PCDH15: variants seen among roughly 807,000 people sequenced by gnomAD.
The protein encoded by PCDH15 is protocadherin-15.
A neutral mutation model predicts 178.5 loss-of-function variants in PCDH15; 129 were observed. The ratio of observed to expected loss-of-function variants is 0.72; its 90% CI spans 0.63 to 0.84. PCDH15 has a LOEUF of 0.84. PCDH15 is among the 40% of genes least tolerant of loss of function. The pLI, the probability that PCDH15 is intolerant of heterozygous loss-of-function variation, is 0.00. For missense variants in PCDH15, 2,230 were observed against 2,099.9 expected, an observed-to-expected ratio of 1.06 and a Z score of -1.21; for synonymous variants, 800 against 732.0, an observed-to-expected ratio of 1.09 and a Z score of -1.50.
intron 3 of PCDH15, among the ~76,000 whole-genome samples, chr10:54,388,728 G>C (rs1041391454): frequency 8.5e-5 from 13 of 152,252 alleles, no homozygotes; most frequent in Admixed American, 8.5e-4. Flanking sequence ...TTGGAAATGA[G>C]GTTGTATGTC....
At chr10:54,444,392 C>T (rs748153563) in intron 3 of PCDH15, among the ~76,000 whole-genome samples, 12 of 151,822 alleles carry the variant, frequency 7.9e-5, no homozygotes, top group African/African-American at 1.2e-4. Context: ...GACACACTCA[C>T]GGATGATTCA....
Position 54,023,107 on chromosome 10 carries a change from T to C in PCDH15, c.2311A>G (p.Ile771Val). The change falls in exon 19 of 38, where the codon ATT becomes GTT. Residue 771 changes from isoleucine to valine, a missense_variant. Coordinates refer to ENST00000644397, the MANE Select transcript of PCDH15 (RefSeq NM_001384140.1). ...NLFRITSNGS[I>V]YTAVKLNREV... ...CTGTTAAGCTTCACTGCTGTGTAAA[T>C]GCTCCCATTGGATGTGATACGAAAA... 1 of 1,613,980 alleles carries C rather than the reference T, an allele frequency of 6.2e-7. No individual in the cohort carries two copies. Among genetic ancestry groups the C allele is most frequent in the African/African-American group, 1.3e-5 (1 of 75,036 alleles).
chr10:54,700,913 A>G (rs1315183489), intron 1 of PCDH15, among the ~76,000 whole-genome samples: 2 of 152,074 alleles, frequency 1.3e-5, no homozygotes, highest in African/African-American at 2.4e-5. Flanking sequence ...TGTAGCCGGA[A>G]GATTCTCCTA....
At position 55,463,897 on chromosome 10, in the gene PCDH15, GAGAGAAAGAAAGAAAGAAAGAA is replaced by G. The variant is rs1839737636; in HGVS notation, c.-156+163706_-156+163727del. On this transcript the variant is annotated intron_variant, in intron 2 of 5. Transcript: ENST00000613346. The stretch of plus-strand genomic sequence containing the variant: ...AGAGAGAGAGAAAGAGAGGGAGAGA[GAGAGAAAGAAAGAAAGAAAGAA>G]AGAAAGAAAGAAAGAAAGAAAGAAA... Among the ~76,000 whole-genome samples, 8 of 123,660 alleles carry G rather than the reference GAGAGAAAGAAAGAAAGAAAGAA, an allele frequency of 6.5e-5. 1 individual carries two copies. Among genetic ancestry groups the G allele is most frequent in the African/African-American group, 1.7e-4 (5 of 29,944 alleles). The allele number at this position is 123,660 out of a possible 152,430, so 81.1% of individuals were successfully genotyped here.
intron 2 of PCDH15, among the ~76,000 whole-genome samples, chr10:54,985,004 G>A (rs1839328546): frequency 6.6e-6 from 1 of 152,074 alleles, no homozygotes; most frequent in South Asian, 2.1e-4. Flanking sequence ...TGACCCTTAT[G>A]ATGGGTAAGT....
intron 28 of PCDH15, among the ~76,000 whole-genome samples, chr10:53,848,248 TA>T (rs991170164): frequency 1.1e-3 from 156 of 139,556 alleles, no homozygotes; most frequent in Middle Eastern, 3.9e-3. Flanking sequence ...TTCTAGGTTA[TA>T]AAAAAAAAAA....
At chr10:54,628,709 T>C (rs1249115756) in intron 2 of PCDH15, among the ~76,000 whole-genome samples, 1 of 152,138 alleles carries the variant, frequency 6.6e-6, no homozygotes, top group Non-Finnish European at 1.5e-5. Context: ...TTGTTTTGGG[T>C]GCAAAGGATA....
intron 2 of PCDH15, among the ~76,000 whole-genome samples, chr10:55,549,826 G>A (rs1266955426): frequency 1.3e-5 from 2 of 152,092 alleles, no homozygotes; most frequent in Non-Finnish European, 2.9e-5. Flanking sequence ...CAACTGTTGT[G>A]TTCTCTATCA....
At chr10:55,489,690 A>T (rs528835699) in intron 2 of PCDH15, among the ~76,000 whole-genome samples, 132 of 151,832 alleles carry the variant, frequency 8.7e-4, no homozygotes, top group African/African-American at 3.1e-3. Flanking sequence ...GACAGCAAAC[A>T]CATGGTCTTC....
rs116871711 is a variant in PCDH15, at chr10:55,503,784, A to T, written c.-156+123841T>A. On this transcript the variant is annotated intron_variant, in intron 2 of 5. Coordinates refer to the PCDH15 transcript ENST00000613346. ...ACACTGAAAACACCAAATCTTGTCA[A>T]GGAGTAAAAGGAATTATCATTCATA... Among the ~76,000 whole-genome samples, 737 of 151,610 alleles carry T rather than the reference A, an allele frequency of 4.9e-3. 3 individuals are homozygous for T. Among genetic ancestry groups the T allele is most frequent in the Non-Finnish European group, 7.6e-3 (514 of 67,652 alleles).
At chr10:55,091,094 A>G (rs1842307181) in intron 2 of PCDH15, among the ~76,000 whole-genome samples, 2 of 152,002 alleles carry the variant, frequency 1.3e-5, no homozygotes, top group African/African-American at 4.8e-5. Flanking sequence ...ATAAAATACT[A>G]CAATATTTCT....
chr10:54,328,157 A>G (rs973805959), intron 7 of PCDH15, among the ~76,000 whole-genome samples: 1 of 151,638 alleles, frequency 6.6e-6, no homozygotes, highest in African/African-American at 2.4e-5. Context: ...CTTTACCACC[A>G]TATCCCTGAC....
intron 1 of PCDH15, among the ~76,000 whole-genome samples, chr10:55,302,211 T>C (rs1843304359): frequency 6.9e-6 from 1 of 144,324 alleles, no homozygotes; most frequent in Non-Finnish European, 1.5e-5. Flanking sequence ...TGCTGAATAT[T>C]CCACTCTATG....
chr10:55,206,571 T>C (rs1840409060), intron 1 of PCDH15, among the ~76,000 whole-genome samples: 3 of 152,126 alleles, frequency 2.0e-5, no homozygotes, highest in Admixed American at 6.5e-5. Context: ...GGTCAGACTA[T>C]GTGAACTATT....
intron 2 of PCDH15, among the ~76,000 whole-genome samples, chr10:54,623,624 T>C (rs1395116790): frequency 6.6e-6 from 1 of 152,108 alleles, no homozygotes; most frequent in Non-Finnish European, 1.5e-5. Context: ...ATGCCATATT[T>C]TGGGCTCTTC....
chr10:55,278,461 G>A (rs1254370858), intron 1 of PCDH15, among the ~76,000 whole-genome samples: 1 of 152,038 alleles, frequency 6.6e-6, no homozygotes, highest in African/African-American at 2.4e-5. Flanking sequence ...CTGGCCTCAA[G>A]TGATCCTCCC....
intron 2 of PCDH15, among the ~76,000 whole-genome samples, chr10:55,134,747 T>A (rs1255615849): frequency 6.6e-6 from 1 of 152,190 alleles, no homozygotes; most frequent in Admixed American, 6.5e-5. Context: ...ATCTCAACAG[T>A]TCATGTGAGT....
intron 26 of PCDH15, among the ~76,000 whole-genome samples, chr10:53,872,270 A>G (rs1490107548): frequency 6.6e-6 from 1 of 152,200 alleles, no homozygotes; most frequent in Non-Finnish European, 1.5e-5. Context: ...ACCTCACTGC[A>G]TCGATTTAAT....
intron 3 of PCDH15, among the ~76,000 whole-genome samples, chr10:54,849,460 C>G (rs1483750524): frequency 6.6e-6 from 1 of 152,078 alleles, no homozygotes; most frequent in African/African-American, 2.4e-5. Context: ...TTTTCATAAC[C>G]CATGCACCTA....
Sources: gnomAD v4.1 joint callset for allele counts (sites outside exome capture counted in the v4.1 genomes callset) on GRCh38, gnomAD v4.1.1 for gene constraint, MANE v1.5 for transcripts, NCBI Gene and HGNC (gene_info 2026-07-23, HGNC 2026-07-21) for gene names.